The following PSMA1 variants were observed in gnomAD, a reference collection of about 807,000 sequenced individuals.
PSMA1 encodes proteasome 20S subunit alpha 1.
PSMA1 carries 3 observed loss-of-function variants against 38.4 expected under a neutral mutation model. The ratio of observed to expected loss-of-function variants is 0.08; its 90% CI spans 0.04 to 0.20. PSMA1 has a LOEUF of 0.20. Among genes scored for constraint, PSMA1 ranks in the 10% least tolerant of loss-of-function variants. The pLI is 1.00. For synonymous variants in PSMA1, 101 were observed against 107.1 expected (o/e 0.94, Z 0.35); for missense variants, 227 against 325.3 (o/e 0.70, Z 2.32).
chr11:14,631,130 T>C (rs1853001113), intron 1 of PSMA1, among the ~76,000 whole-genome samples: 1 of 152,022 alleles, frequency 6.6e-6, no homozygotes, highest in South Asian at 2.1e-4. Flanking sequence ...CTGGATTCAT[T>C]AATTTTTTGA....
intron 2 of PSMA1, among the ~76,000 whole-genome samples, chr11:14,574,165 T>C (rs77133541): frequency 0.035 from 5,304 of 152,298 alleles, 136 homozygotes; most frequent in Middle Eastern, 0.071. Context: ...GAAATTTGCA[T>C]ATCTCAAAGA....
chr11:14,526,021 A>C (rs956493662), intron 2 of PSMA1, among the ~76,000 whole-genome samples: 2 of 151,994 alleles, frequency 1.3e-5, no homozygotes, highest in Non-Finnish European at 2.9e-5. Context: ...TCCCCCTCCA[A>C]AGCTCAAATT....
At position 14,528,530 on chromosome 11, in the gene PSMA1, C is replaced by T. The variant is rs190759207; in HGVS notation, c.22-9489G>A. Among the ~76,000 whole-genome samples the T allele has an allele frequency of 2.0e-3, 306 of 152,220 alleles. 1 individual carries two copies. The Middle Eastern group carries it at 0.027, about 14-fold the overall frequency. ...CGCTTGAATCAGCCCTAAGAAACAT[C>T]GCCCATTATCTCTCCATACCACCCC... On this transcript the variant is annotated intron_variant, in intron 2 of 10. Coordinates refer to the PSMA1 transcript ENST00000418988.
intron 2 of PSMA1, among the ~76,000 whole-genome samples, chr11:14,606,059 G>C (rs1257532710): frequency 1.3e-5 from 2 of 152,160 alleles, no homozygotes; most frequent in African/African-American, 4.8e-5. Context: ...TCTGTATATG[G>C]TAAAATGTAG....
At chr11:14,595,947 A>G (rs1852486278) in intron 2 of PSMA1, among the ~76,000 whole-genome samples, 1 of 152,210 alleles carries the variant, frequency 6.6e-6, no homozygotes, top group Non-Finnish European at 1.5e-5. Context: ...ATCCAGTTTC[A>G]GCTTTCTATA....
intron 1 of PSMA1, chr11:14,520,064 A>G (rs974117278): frequency 6.1e-5 from 38 of 621,858 alleles, no homozygotes; most frequent in Non-Finnish European, 1.1e-5. Flanking sequence ...CCGAGGAGGA[A>G]GTGTCGGAGG....
intron 2 of PSMA1, among the ~76,000 whole-genome samples, chr11:14,550,572 C>T (rs1370306244): frequency 6.6e-6 from 1 of 151,492 alleles, no homozygotes; most frequent in African/African-American, 2.4e-5. Flanking sequence ...TGATGGGTAC[C>T]GTGAAGGTGT....
intron 2 of PSMA1, among the ~76,000 whole-genome samples, chr11:14,588,240 A>G (rs984456873): frequency 2.0e-5 from 3 of 152,200 alleles, no homozygotes; most frequent in East Asian, 1.9e-4. Context: ...TGAAAAGAAA[A>G]CTTTCAACAG....
chr11:14,539,514 C>A (rs558769780), intron 2 of PSMA1, among the ~76,000 whole-genome samples: 1 of 152,092 alleles, frequency 6.6e-6, no homozygotes, highest in Non-Finnish European at 1.5e-5. Flanking sequence ...ATTTTAAAAA[C>A]CAAAACAAAC....
chr11:14,592,354 G>GTCCCTC (rs1852428153), intron 2 of PSMA1, among the ~76,000 whole-genome samples: 1 of 135,912 alleles, frequency 7.4e-6, no homozygotes, highest in Non-Finnish European at 1.5e-5. Flanking sequence ...CTCTGACACA[G>GTCCCTC]TCTCTCTCTC....
intron 9 of PSMA1, among the ~76,000 whole-genome samples, chr11:14,505,483 G>A (rs1295816408): frequency 2.0e-5 from 3 of 151,858 alleles, no homozygotes; most frequent in Non-Finnish European, 2.9e-5. Flanking sequence ...CAGTTGGCTC[G>A]AACAACAAAG....
intron 2 of PSMA1, among the ~76,000 whole-genome samples, chr11:14,518,548 G>T (rs1851474087): frequency 6.6e-6 from 1 of 152,146 alleles, no homozygotes; most frequent in Non-Finnish European, 1.5e-5. Flanking sequence ...TGTGGCAAGG[G>T]CTATAAACTA....
At chr11:14,571,815 G>A (rs1360746833) in intron 2 of PSMA1, among the ~76,000 whole-genome samples, 1 of 152,040 alleles carries the variant, frequency 6.6e-6, no homozygotes, top group Non-Finnish European at 1.5e-5. Flanking sequence ...AGGGATGGAG[G>A]AAGATCTACC....
intron 2 of PSMA1, among the ~76,000 whole-genome samples, chr11:14,587,404 G>A (rs1311225612): frequency 6.6e-6 from 1 of 152,204 alleles, no homozygotes; most frequent in African/African-American, 2.4e-5. Flanking sequence ...TGACAGCCAA[G>A]GCTTCTGGGC....
At position 14,599,189 on chromosome 11, in the gene PSMA1, C is replaced by T. The variant is rs1425065684; in HGVS notation, c.21+11777G>A. On this transcript the variant is annotated intron_variant, in intron 2 of 10. Transcript: ENST00000418988. Reference sequence around the variant, plus strand: ...CTTAACATTTTTTCCTTCATTTCAACTTTGGTGAATCTGACAATTATGTGC... The same window carrying T: ...CTTAACATTTTTTCCTTCATTTCAATTTTGGTGAATCTGACAATTATGTGC... 2.6e-5 allele frequency among the ~76,000 whole-genome samples: 4 copies of T among 152,222 alleles called. No homozygotes were observed. In the East Asian group the frequency reaches 7.7e-4, roughly 29 times the overall value.
At chr11:14,595,532 T>C (rs544087094) in intron 2 of PSMA1, among the ~76,000 whole-genome samples, 31 of 152,384 alleles carry the variant, frequency 2.0e-4, no homozygotes, top group African/African-American at 7.2e-4. Flanking sequence ...CATGTGTCTG[T>C]TGGCTGCATA....
At chr11:14,594,836 T>G (rs1401725088) in intron 2 of PSMA1, among the ~76,000 whole-genome samples, 1 of 152,180 alleles carries the variant, frequency 6.6e-6, no homozygotes, top group Non-Finnish European at 1.5e-5. Flanking sequence ...GGTATACATG[T>G]GCCATGTTGG....
In PSMA1 at chr11:14,514,080, T is replaced by C. The variant is rs538269295; in HGVS notation, c.344-193A>G. ...ACTTTCTACCGAACCTAAGAAAGAG[T>C]GCCAGCAAAATAATTTCTTCCCATC... On this transcript the variant is annotated intron_variant, in intron 5 of 9. Transcript: ENST00000396394. The C allele has an allele frequency of 1.0e-4, 132 of 1,319,050 alleles. 1 individual carries two copies. The African/African-American group carries it at 1.9e-3, about 19-fold the overall frequency. The allele number at this position is 1,319,050 out of a possible 1,614,324, so 81.7% of individuals were successfully genotyped here. A position where few individuals can be genotyped will look rare whatever the true frequency, so the allele number is the denominator to read the frequency against.
chr11:14,638,562 TATATATATATATATATATATA>T (rs1853149052), intron 1 of PSMA1, among the ~76,000 whole-genome samples: 1 of 14,718 alleles, frequency 6.8e-5, no homozygotes, highest in East Asian at 1.9e-3. Context: ...TATATATATA[TATATATATATATATATATATA>T]TATTTTTTTT....
Sources: allele counts gnomAD v4.1 joint callset (sites outside exome capture counted in the v4.1 genomes callset), GRCh38; gene constraint gnomAD v4.1.1; transcripts MANE v1.5; gene names NCBI Gene and HGNC (gene_info 2026-07-23, HGNC 2026-07-21).